The following TVP23C variants were observed in gnomAD, a reference collection of about 807,000 sequenced individuals.
TVP23C encodes the protein trans-golgi network vesicle protein 23 homolog C, also known as Golgi apparatus membrane protein TVP23 homolog C.
TVP23C carries 19 observed loss-of-function variants against 28.7 expected under a neutral mutation model. The observed-to-expected ratio is 0.66, with a 90% CI of 0.46 to 0.97. The LOEUF (loss-of-function observed/expected upper bound fraction) is 0.97. Among genes scored for constraint, TVP23C ranks in the 50% least tolerant of loss-of-function variants. The pLI, the probability that TVP23C is intolerant of heterozygous loss-of-function variation, is 0.00. For synonymous variants in TVP23C, 68 were observed against 81.7 expected (o/e 0.83, Z 0.90); for missense variants, 186 against 241.3 (o/e 0.77, Z 1.52).
Position 15,553,769 on chromosome 17 carries a change from A to C in TVP23C, c.156T>G (p.Leu52=). 1 of 1,614,022 alleles carries C rather than the reference A, an allele frequency of 6.2e-7. No individual in the cohort carries two copies. Among genetic ancestry groups the C allele is most frequent in the Non-Finnish European group, 8.5e-7 (1 of 1,179,884 alleles). ...FFRVSAIIVC[L]LCELLSSSFI... is the part of the protein sequence containing the mutation. Reference sequence around the variant, plus strand: ...AGCTGCTGCTGAGCAACTCACAGAGAAGACAGACGATGATTGCACTGACTC... The same window carrying C: ...AGCTGCTGCTGAGCAACTCACAGAGCAGACAGACGATGATTGCACTGACTC... Residue 52 remains leucine (L), a synonymous_variant, in exon 3 of 6, where the codon CTT becomes CTG. Transcript: ENST00000518321.
At chr17:15,506,374 G>A (rs542211770) in intron 5 of TVP23C, among the ~76,000 whole-genome samples, 16 of 152,066 alleles carry the variant, frequency 1.1e-4, no homozygotes, top group South Asian at 8.3e-4. Flanking sequence ...TGCACCAGTC[G>A]ACACTCTGTA....
chr17:15,502,506 G>A (rs1322597226), exon 6 of TVP23C: 1 of 211,856 alleles, frequency 4.7e-6, no homozygotes, highest in Non-Finnish European at 9.2e-6. Context: ...GGGACTGGCT[G>A]GCCCAGAGCC....
At position 15,547,063 on chromosome 17, in the gene TVP23C, C is replaced by G. The variant is rs1336272986; in HGVS notation, c.326G>C (p.Arg109Thr). Residue 109 changes from arginine (R) to threonine (T), a missense_variant, in exon 4 of 6, where the codon AGA becomes ACA. This residue lies in a region of TVP23C where 20 missense variants were observed against 51.0 expected (regional missense o/e 0.39). Transcript: ENST00000518321. The part of the protein sequence containing the change: ...DGKSHWVFES[R>T]KESSQENKTV... ...AAAACAAAAAAGGCACTTTACCTTT[C>G]TAGATTCAAACACCCAATGGCTCTT... 1 of 1,590,292 alleles carries G rather than the reference C, an allele frequency of 6.3e-7. No individual in the cohort carries two copies. The highest frequency in any genetic ancestry group is 8.5e-7 in the Non-Finnish European group (1 of 1,170,736).
chr17:15,521,377 G>C (rs187593565), intron 5 of TVP23C, among the ~76,000 whole-genome samples: 173 of 152,218 alleles, frequency 1.1e-3, no homozygotes, highest in African/African-American at 4.0e-3. Context: ...GGTGGTGGGC[G>C]CCTGCAGTTC....
intron 5 of TVP23C, among the ~76,000 whole-genome samples, chr17:15,504,173 G>A (rs539260479): frequency 9.8e-4 from 149 of 152,294 alleles, no homozygotes; most frequent in African/African-American, 3.3e-3. Flanking sequence ...CAGGAACCAG[G>A]AGCCTAGGCC....
At chr17:15,514,154 A>C (rs1982124224) in intron 5 of TVP23C, among the ~76,000 whole-genome samples, 1 of 152,260 alleles carries the variant, frequency 6.6e-6, no homozygotes, top group Non-Finnish European at 1.5e-5. Flanking sequence ...TCAATCCGGC[A>C]GCAAACATAC....
Position 15,557,290 on chromosome 17 carries a change from G to GTT in TVP23C, c.13-1928_13-1927dup, listed in dbSNP as rs761887271. ...GCTGCTGGAGGACCTAGAAGACAAG[G>GTT]TTTTTTTTTTTTTTTTTTGAGACAG... On this transcript the variant is annotated intron_variant, in intron 1 of 5. Coordinates refer to ENST00000518321, the MANE Select transcript of TVP23C (RefSeq NM_001135036.2). Among the ~76,000 whole-genome samples, 365 of 123,892 alleles carry GTT rather than the reference G, an allele frequency of 2.9e-3. 5 individuals carry two copies. Among genetic ancestry groups the GTT allele is most frequent in the African/African-American group, 5.2e-3 (183 of 35,330 alleles). The allele number at this position is 123,892 out of a possible 152,430, so 81.3% of individuals were successfully genotyped here.
chr17:15,551,264 CATT>C, intron 3 of TVP23C, among the ~76,000 whole-genome samples: 1 of 129,142 alleles, frequency 7.7e-6, no homozygotes, highest in African/African-American at 2.8e-5. Flanking sequence ...ATGCCCGGCT[CATT>C]TTTTTTTTTT....
At chr17:15,513,784 C>G (rs929110064) in intron 5 of TVP23C, among the ~76,000 whole-genome samples, 9 of 152,152 alleles carry the variant, frequency 5.9e-5, no homozygotes, top group African/African-American at 2.2e-4. Context: ...ACCTGAGTCC[C>G]TAACTATCAC....
At chr17:15,536,050 G>C (rs1489322363), downstream of TVP23C, among the ~76,000 whole-genome samples, 1 of 152,092 alleles carries the variant, frequency 6.6e-6, no homozygotes, top group Non-Finnish European at 1.5e-5. Context: ...AAATTAGCCA[G>C]GTGTAGTGGC....
At chr17:15,518,167 C>CAAAAA (rs895582466) in intron 5 of TVP23C, among the ~76,000 whole-genome samples, 26 of 54,256 alleles carry the variant, frequency 4.8e-4, no homozygotes, top group African/African-American at 5.8e-4. Context: ...GACTCCATCT[C>CAAAAA]AAAAAAAAAA....
At chr17:15,557,454 T>A (rs1030308412) in intron 1 of TVP23C, among the ~76,000 whole-genome samples, 1 of 147,860 alleles carries the variant, frequency 6.8e-6, no homozygotes, top group African/African-American at 2.4e-5. Flanking sequence ...CTCGGCTAAT[T>A]AGCCTGGCTA....
At chr17:15,510,802 T>C (rs111576609) in intron 5 of TVP23C, among the ~76,000 whole-genome samples, 8,360 of 152,180 alleles carry the variant, frequency 0.055, 773 homozygotes, top group African/African-American at 0.19. Flanking sequence ...CTCATGCCTG[T>C]AATCCCAGCA....
At chr17:15,543,824 A>T (rs1407032702) in intron 5 of TVP23C, among the ~76,000 whole-genome samples, 23 of 151,986 alleles carry the variant, frequency 1.5e-4, no homozygotes, top group Admixed American at 1.5e-3. Flanking sequence ...TGAATAAATA[A>T]GGAAAAGATG....
At chr17:15,554,023 T>C (rs904289636) in intron 2 of TVP23C, among the ~76,000 whole-genome samples, 194 bp from the exon 3 acceptor site, 1 of 152,182 alleles carries the variant, frequency 6.6e-6, no homozygotes, top group African/African-American at 2.4e-5. Context: ...GGCCCTATAG[T>C]GACAGAAAAT....
chr17:15,506,874 C>G, intron 5 of TVP23C: 1 of 770,892 alleles, frequency 1.3e-6, no homozygotes, highest in Middle Eastern at 2.4e-4. Context: ...CCGTGGTCAA[C>G]CCCACCATGT....
intron 5 of TVP23C, among the ~76,000 whole-genome samples, chr17:15,513,271 A>G (rs375939497): frequency 5.9e-4 from 90 of 152,358 alleles, no homozygotes; most frequent in Middle Eastern, 6.8e-3. Flanking sequence ...CATTTTTAAG[A>G]GCCTGGGCTT....
At chr17:15,543,684 T>C (rs1983520392) in intron 5 of TVP23C, among the ~76,000 whole-genome samples, 1 of 150,524 alleles carries the variant, frequency 6.6e-6, no homozygotes. Flanking sequence ...CCCTACTGTA[T>C]TTTTTACTGT....
intron 1 of TVP23C, among the ~76,000 whole-genome samples, chr17:15,556,000 T>A (rs1431294017): frequency 6.6e-6 from 1 of 152,214 alleles, no homozygotes; most frequent in Non-Finnish European, 1.5e-5. Context: ...CACTGCAACC[T>A]CCGCCTCCCG....
Sources: gnomAD v4.1 joint callset for allele counts (sites outside exome capture counted in the v4.1 genomes callset) on GRCh38, gnomAD v4.1.1 for gene constraint, gnomAD v4.1.1 regional missense constraint, MANE v1.5 for transcripts, NCBI Gene and HGNC (gene_info 2026-07-23, HGNC 2026-07-21) for gene names.